The following DCBLD2 variants were observed in gnomAD, a reference collection of about 807,000 sequenced individuals.
DCBLD2 encodes the protein discoidin, CUB and LCCL domain containing 2.
A neutral mutation model predicts 86.8 loss-of-function variants in DCBLD2; 54 were observed. The observed-to-expected ratio is 0.62, with a 90% CI of 0.50 to 0.78. DCBLD2 has a LOEUF of 0.78. Among genes scored for constraint, DCBLD2 ranks in the 30% least tolerant of loss-of-function variants. The probability of loss-of-function intolerance (pLI) is 0.00; values close to 1 mark genes in which losing one functional copy is unlikely to be tolerated. For synonymous variants in DCBLD2, 354 were observed against 341.3 expected (o/e 1.04, Z -0.41); for missense variants, 908 against 954.2 (o/e 0.95, Z 0.64).
At chr3:98,839,041 A>AGAGGGG (rs1417412250) in intron 3 of DCBLD2, among the ~76,000 whole-genome samples, 1 of 151,550 alleles carries the variant, frequency 6.6e-6, no homozygotes, top group Non-Finnish European at 1.5e-5. Flanking sequence ...AGGGAGAGGG[A>AGAGGGG]GAGGGAGAGG....
chr3:98,844,034 G>GCACACACACACACA (rs10574415), intron 3 of DCBLD2, among the ~76,000 whole-genome samples: 6,766 of 145,534 alleles, frequency 0.046, 171 homozygotes, highest in East Asian at 0.082. Context: ...AATCATGCAT[G>GCACACACACACACA]CACACACACA....
intron 1 of DCBLD2, among the ~76,000 whole-genome samples, chr3:98,900,538 T>G (rs991981525): frequency 6.6e-6 from 1 of 152,160 alleles, no homozygotes; most frequent in African/African-American, 2.4e-5. Flanking sequence ...AGAGCTTCAC[T>G]TGGGCAAATT....
intron 14 of DCBLD2, 63 bp downstream of exon 14, chr3:98,801,537 T>A (rs1386258831): frequency 6.0e-6 from 8 of 1,340,430 alleles, no homozygotes; most frequent in Non-Finnish European, 8.3e-6. Context: ...TTTTCACTAC[T>A]GCCCCCTGTA....
At position 98,808,068 on chromosome 3, in the gene DCBLD2, G is replaced by C; in HGVS notation, c.1670+13C>G. On this transcript the variant is annotated intron_variant, in intron 13 of 15. Transcript: ENST00000326840. ...GGTAGTTTTGGACTCAGGTGAACTAGTTATGTACTAACCTGTTTCTCCAGT... is the reference window on the plus strand; with the variant it reads ...GGTAGTTTTGGACTCAGGTGAACTACTTATGTACTAACCTGTTTCTCCAGT... 2 of 1,562,508 alleles carry C rather than the reference G, an allele frequency of 1.3e-6. No individual in the cohort carries two copies. Among genetic ancestry groups the C allele is most frequent in the African/African-American group, 2.7e-5 (2 of 72,762 alleles).
chr3:98,840,988 C>G (rs1408581783), intron 3 of DCBLD2, among the ~76,000 whole-genome samples: 1 of 152,220 alleles, frequency 6.6e-6, no homozygotes, highest in Non-Finnish European at 1.5e-5. Context: ...AGCAAACTGG[C>G]ATTCCCTCTT....
chr3:98,833,052 A>G (rs1942352104), intron 3 of DCBLD2, among the ~76,000 whole-genome samples: 1 of 152,132 alleles, frequency 6.6e-6, no homozygotes, highest in Admixed American at 6.5e-5. Flanking sequence ...TCCCCATCCA[A>G]TTCAGGGATA....
intron 1 of DCBLD2, among the ~76,000 whole-genome samples, chr3:98,898,269 T>A (rs1943785206): frequency 6.6e-6 from 1 of 151,790 alleles, no homozygotes; most frequent in African/African-American, 2.4e-5. Flanking sequence ...AAGGTCATTG[T>A]GAACAGAAAA....
intron 1 of DCBLD2, among the ~76,000 whole-genome samples, chr3:98,893,613 C>A (rs1286392914): frequency 6.6e-6 from 1 of 151,988 alleles, no homozygotes; most frequent in South Asian, 2.1e-4. Context: ...TGTAGATTAC[C>A]ATTTAGAAAG....
chr3:98,841,329 T>C (rs1485581747), intron 3 of DCBLD2, among the ~76,000 whole-genome samples: 1 of 152,222 alleles, frequency 6.6e-6, no homozygotes, highest in African/African-American at 2.4e-5. Flanking sequence ...TAGTTAGCTA[T>C]ATTATCTGCC....
Position 98,798,086 on chromosome 3 carries a change from T to A in DCBLD2, c.*1286A>T, listed in dbSNP as rs1410732579. On this transcript the variant is annotated 3_prime_UTR_variant, in exon 16 of 16. Transcript: ENST00000326840. ...GGGCAGGTATGAACAAGTGGTGACA[T>A]GGAAGCTGCCAGGAGGTATCAAAAA... The A allele has an allele frequency of 6.6e-6, 1 of 152,194 alleles. No individual in the cohort carries two copies. Among genetic ancestry groups the A allele is most frequent in the African/African-American group, 2.4e-5 (1 of 41,452 alleles). The allele number at this position is 152,194 out of a possible 1,614,324, so 9.4% of individuals were successfully genotyped here. A position where few individuals can be genotyped will look rare whatever the true frequency, so the allele number is the denominator to read the frequency against.
intron 2 of DCBLD2, among the ~76,000 whole-genome samples, chr3:98,858,067 T>A (rs941098945): frequency 3.3e-5 from 5 of 152,290 alleles, no homozygotes; most frequent in Admixed American, 1.3e-4. Context: ...CAGCCCACGG[T>A]GGGGGGCAGG....
In DCBLD2 at chr3:98,822,861, C is replaced by T. The variant is rs1043716296; in HGVS notation, c.624-120G>A. The stretch of plus-strand genomic sequence containing the variant: ...CAAGGTGAATACCATAATTTCACTA[C>T]CCTCAAAGACCCACCACTTCTTTTT... On this transcript the variant is annotated intron_variant, in intron 4 of 15. Coordinates refer to ENST00000326840, the MANE Select transcript of DCBLD2 (RefSeq NM_080927.4). 9 of 744,406 alleles carry T rather than the reference C, an allele frequency of 1.2e-5. No homozygotes were observed. The African/African-American group carries it at 1.6e-4, about 14-fold the overall frequency. The allele number at this position is 744,406 out of a possible 1,614,324, so 46.1% of individuals were successfully genotyped here.
chr3:98,901,080 G>C (rs1943839988), intron 1 of DCBLD2, 42 bp downstream of exon 1: 2 of 1,536,866 alleles, frequency 1.3e-6, no homozygotes, highest in Non-Finnish European at 1.7e-6. Context: ...CCGCAGCCCC[G>C]ACGGAGGTTC....
chr3:98,855,384 C>A (rs183531752), intron 2 of DCBLD2, among the ~76,000 whole-genome samples: 1 of 152,254 alleles, frequency 6.6e-6, no homozygotes, highest in East Asian at 1.9e-4. Context: ...TAAAATAGTA[C>A]AGCCACAAAA....
At chr3:98,851,035 C>G (rs1456255263) in intron 2 of DCBLD2, among the ~76,000 whole-genome samples, 1 of 152,162 alleles carries the variant, frequency 6.6e-6, no homozygotes. Context: ...AAAACCTGCA[C>G]AAGACAAGGA....
chr3:98,825,642 T>TA lies in DCBLD2; in HGVS notation c.572-277_572-276insT, dbSNP rs1491421709. On this transcript the variant is annotated intron_variant, in intron 3 of 15. Coordinates refer to ENST00000326840, the MANE Select transcript of DCBLD2 (RefSeq NM_080927.4). ...ATACACACATATATGTATATGTGTA[T>TA]TTATATATATATATATATATATATA... 9.2e-3 allele frequency among the ~76,000 whole-genome samples: 638 copies of TA among 69,076 alleles called. 5 individuals carry two copies. Among genetic ancestry groups the TA allele is most frequent in the Admixed American group, 0.016 (90 of 5,782 alleles). 45.3% of individuals were successfully genotyped at this position (69,076 alleles called of 152,430 possible). A position where few individuals can be genotyped will look rare whatever the true frequency, so the allele number is the denominator to read the frequency against.
chr3:98,897,910 T>C (rs1943778384), intron 1 of DCBLD2, among the ~76,000 whole-genome samples: 2 of 152,096 alleles, frequency 1.3e-5, no homozygotes, highest in South Asian at 4.1e-4. Flanking sequence ...ACAGTCATAA[T>C]GGAAACCAGA....
At position 98,812,476 on chromosome 3, in the gene DCBLD2, G is replaced by C; in HGVS notation, c.1219C>G (p.Gln407Glu). 6.2e-7 allele frequency: 1 copy of C among 1,611,316 alleles called. No individual in the cohort carries two copies. Among genetic ancestry groups the C allele is most frequent in the East Asian group, 2.2e-5 (1 of 44,778 alleles). The change falls in exon 10 of 16, where the codon CAA (glutamine) becomes GAA (glutamate). Residue 407 changes from glutamine to glutamate, a missense_variant. By Grantham distance (29) the Gln-to-Glu change is conservative. This residue lies in a region of DCBLD2 where 606 missense variants were observed against 678.5 expected (regional missense o/e 0.89). Transcript: ENST00000326840. ...EPGVEQDKIF[Q>E]GNKDYHQDVR... The stretch of plus-strand genomic sequence containing the variant: ...TCCTGGTGATAATCTTTGTTTCCTT[G>C]AAATATCTTTAAAAAAACAACAAAA...
intron 3 of DCBLD2, among the ~76,000 whole-genome samples, chr3:98,848,577 A>C (rs1942768903): frequency 6.6e-6 from 1 of 152,120 alleles, no homozygotes; most frequent in Non-Finnish European, 1.5e-5. Context: ...ACTGACTTAC[A>C]CTCCCACAAA....
Sources: gnomAD v4.1 joint callset for allele counts (sites outside exome capture counted in the v4.1 genomes callset) on GRCh38, gnomAD v4.1.1 for gene constraint, gnomAD v4.1.1 regional missense constraint, MANE v1.5 for transcripts, NCBI Gene and HGNC (gene_info 2026-07-23, HGNC 2026-07-21) for gene names.